HAUS6: variants seen among roughly 807,000 people sequenced by gnomAD.
HAUS6 encodes the protein HAUS augmin-like complex subunit 6.
In HAUS6, 80 loss-of-function variants were observed where a neutral mutation model predicts 106.8. That is an observed-to-expected ratio of 0.75 (90% CI 0.63 to 0.90). The LOEUF (loss-of-function observed/expected upper bound fraction) is 0.90, where lower values mean the gene tolerates loss of function less well. Ranked by LOEUF, HAUS6 falls within the 40% of genes least tolerant of loss-of-function variation. The pLI is 0.00. For synonymous variants in HAUS6, 356 were observed against 379.1 expected (o/e 0.94, Z 0.71); for missense variants, 1,155 against 1,118.1 (o/e 1.03, Z -0.47).
chr9:19,092,664 C>G (rs1817778429), intron 4 of HAUS6, among the ~76,000 whole-genome samples: 1 of 142,694 alleles, frequency 7.0e-6, no homozygotes, highest in African/African-American at 2.6e-5. Flanking sequence ...TGGCTCATAC[C>G]TGTAATCCCA....
In HAUS6 at chr9:19,058,709, C is replaced by T. The variant is rs1836538537; in HGVS notation, c.2058G>A (p.Leu686=). ...GCTTGCAAATTACTTTCTTATTTAA[C>T]AAATCTGACTGATTTTGTGTTGGTG... is the stretch of plus-strand genomic sequence containing the variant. ...DEPPTQNQSD[L]LNKKVICKQD... is the part of the protein sequence containing the mutation. Residue 686 remains leucine (L), a synonymous_variant, in exon 16 of 17, where the codon TTG becomes TTA. Transcript: ENST00000380502. The T allele has an allele frequency of 6.2e-7, 1 of 1,613,796 alleles. No homozygotes were observed. The highest frequency in any genetic ancestry group is 1.7e-5 in the Admixed American group (1 of 59,988).
At chr9:19,077,779 G>A (rs999536470) in intron 10 of HAUS6, among the ~76,000 whole-genome samples, 2 of 151,976 alleles carry the variant, frequency 1.3e-5, no homozygotes, top group African/African-American at 2.4e-5. Context: ...AGGCAAATTG[G>A]CTGAGTGTAG....
chr9:19,062,345 T>G (rs892648200), intron 14 of HAUS6, among the ~76,000 whole-genome samples: 1 of 152,180 alleles, frequency 6.6e-6, no homozygotes, highest in East Asian at 1.9e-4. Flanking sequence ...CAAACAACAC[T>G]GACAAAAGTA....
intron 9 of HAUS6, among the ~76,000 whole-genome samples, chr9:19,078,980 C>A (rs561992184): frequency 6.7e-6 from 1 of 149,722 alleles, no homozygotes. Flanking sequence ...AATGGTGAAA[C>A]CCTGTCTCTA....
chr9:19,098,904 C>G (rs939696402), intron 1 of HAUS6, among the ~76,000 whole-genome samples: 2 of 151,272 alleles, frequency 1.3e-5, no homozygotes, highest in Non-Finnish European at 2.9e-5. Context: ...TGCCTAAAAT[C>G]CCAGCTACTC....
At chr9:19,098,923 G>A (rs1174646958) in intron 1 of HAUS6, among the ~76,000 whole-genome samples, 4 of 149,862 alleles carry the variant, frequency 2.7e-5, no homozygotes, top group African/African-American at 9.9e-5. Context: ...TCCAGAGGCT[G>A]AGGCAGGAGA....
At chr9:19,086,268 G>A (rs1297823560) in intron 7 of HAUS6, among the ~76,000 whole-genome samples, 2 of 149,670 alleles carry the variant, frequency 1.3e-5, no homozygotes, top group South Asian at 2.1e-4. Flanking sequence ...CTGAGACCAC[G>A]CCACTGCACT....
intron 7 of HAUS6, among the ~76,000 whole-genome samples, chr9:19,084,597 A>G (rs1837243356): frequency 6.6e-6 from 1 of 151,168 alleles, no homozygotes; most frequent in African/African-American, 2.4e-5. Context: ...AAAATACAAT[A>G]TTAAATATCT....
intron 8 of HAUS6, among the ~76,000 whole-genome samples, chr9:19,081,938 T>C (rs796422871): frequency 9.9e-5 from 15 of 152,226 alleles, no homozygotes; most frequent in African/African-American, 3.4e-4. Context: ...CACAACAATA[T>C]TTTATCTTTG....
intron 5 of HAUS6, among the ~76,000 whole-genome samples, chr9:19,087,510 T>G (rs188475346): frequency 6.6e-6 from 1 of 152,202 alleles, no homozygotes; most frequent in Non-Finnish European, 1.5e-5. Context: ...TTTAGTAATA[T>G]ATAACAAAGC....
At chr9:19,057,284 A>G (rs1836494853) in intron 16 of HAUS6, 1 of 152,422 alleles carries the variant, frequency 6.6e-6, no homozygotes, top group African/African-American at 2.4e-5. Flanking sequence ...TCCTTATAAG[A>G]CAATACACAC....
intron 1 of HAUS6, among the ~76,000 whole-genome samples, 176 bp from the exon 2 acceptor site, chr9:19,096,945 G>T (rs1817877680): frequency 6.6e-6 from 1 of 152,086 alleles, no homozygotes; most frequent in African/African-American, 2.4e-5. Flanking sequence ...AAACATACAA[G>T]CTTTCATTTT....
Position 19,102,572 on chromosome 9 carries a change from G to C in HAUS6, c.80C>G (p.Pro27Arg), listed in dbSNP as rs768579786. 1.9e-6 allele frequency: 3 copies of C among 1,613,882 alleles called. No homozygotes were observed. Among genetic ancestry groups the C allele is most frequent in the East Asian group, 2.2e-5 (1 of 44,848 alleles). ...GATCTTTCCGCAGGCAATGGTTGCC[G>C]GGCCTGGCTCGAAGCCGAGCGCCTG... is the stretch of plus-strand genomic sequence containing the variant. ...YLQALGFEPG[P>R]ATIACGKIVS... The change falls in exon 1 of 17, where the codon CCG becomes CGG. Residue 27 changes from proline (P) to arginine (R), a missense_variant. Physicochemically the swap from Pro to Arg is moderately radical, Grantham distance 103 (BLOSUM62 -2). Coordinates refer to ENST00000380502, the MANE Select transcript of HAUS6 (RefSeq NM_017645.5).
chr9:19,083,863 T>C (rs998238103), intron 7 of HAUS6, among the ~76,000 whole-genome samples: 2 of 151,682 alleles, frequency 1.3e-5, no homozygotes, highest in African/African-American at 4.8e-5. Context: ...TTTTAAGTCA[T>C]TCAGTTTGAG....
At chr9:19,079,546 A>G (rs1447649290) in intron 9 of HAUS6, among the ~76,000 whole-genome samples, 1 of 151,932 alleles carries the variant, frequency 6.6e-6, no homozygotes. Context: ...ATTTATTTTT[A>G]AGATAGAAGT....
chr9:19,054,071 G>A lies in HAUS6; in HGVS notation c.*2272C>T, dbSNP rs1295319520. 1 of 152,156 alleles carries A rather than the reference G, an allele frequency of 6.6e-6. No individual in the cohort carries two copies. The highest frequency in any genetic ancestry group is 2.4e-5 in the African/African-American group (1 of 41,442). The allele number at this position is 152,156 out of a possible 1,614,324, so 9.4% of individuals were successfully genotyped here. A position where few individuals can be genotyped will look rare whatever the true frequency, so the allele number is the denominator to read the frequency against. Reference sequence around the variant, plus strand: ...AAAGCGTGGATTAAGACTTCAAGACGGAAGTGAGATTTTTTTCTGAGGCTT... The same window carrying A: ...AAAGCGTGGATTAAGACTTCAAGACAGAAGTGAGATTTTTTTCTGAGGCTT... On this transcript the variant is annotated 3_prime_UTR_variant, in exon 17 of 17. Transcript: ENST00000380502.
chr9:19,071,758 TAG>T (rs1836885874), intron 11 of HAUS6, among the ~76,000 whole-genome samples: 1 of 151,902 alleles, frequency 6.6e-6, no homozygotes, highest in Admixed American at 6.6e-5. Context: ...TGTTTTTTTA[TAG>T]AGACAGGGTT....
rs1191370108 is a variant in HAUS6 at position 19,056,241 on chromosome 9, C to T, written c.*102G>A. On this transcript the variant is annotated 3_prime_UTR_variant, in exon 17 of 17. Coordinates refer to ENST00000380502, the MANE Select transcript of HAUS6 (RefSeq NM_017645.5). ...AGGAATTTTTTTAAACCTTGAAAAA[C>T]AGTGTTACACTTCCAACATGTATTT... 4.6e-6 allele frequency: 3 copies of T among 657,114 alleles called. No homozygotes were observed. The highest frequency in any genetic ancestry group is 5.1e-5 in the East Asian group (2 of 38,890). The allele number at this position is 657,114 out of a possible 1,614,324, so 40.7% of individuals were successfully genotyped here.
At chr9:19,079,971 T>G (rs1368189536) in intron 9 of HAUS6, among the ~76,000 whole-genome samples, 1 of 150,804 alleles carries the variant, frequency 6.6e-6, no homozygotes, top group African/African-American at 2.4e-5. Context: ...GGTCGGGAGT[T>G]CGAGACCAGC....
Sources: allele counts gnomAD v4.1 joint callset (sites outside exome capture counted in the v4.1 genomes callset), GRCh38; gene constraint gnomAD v4.1.1; transcripts MANE v1.5; gene names NCBI Gene and HGNC (gene_info 2026-07-23, HGNC 2026-07-21).